The following TPH2 variants were observed in gnomAD, a reference collection of about 807,000 sequenced individuals.
TPH2 encodes the protein tryptophan hydroxylase 2.
Under a neutral mutation model 59.1 loss-of-function variants are expected in TPH2, and 27 were observed. That is an observed-to-expected ratio of 0.46 (90% confidence interval 0.34 to 0.63). TPH2 has a LOEUF of 0.63. Ranked by LOEUF, TPH2 falls within the 30% of genes least tolerant of loss-of-function variation. The pLI, the probability that TPH2 is intolerant of heterozygous loss-of-function variation, is 0.01. For synonymous variants in TPH2, 220 were observed against 210.5 expected (o/e 1.05, Z -0.39); for missense variants, 523 against 588.3 (o/e 0.89, Z 1.15).
intron 8 of TPH2, among the ~76,000 whole-genome samples, chr12:72,020,046 T>C (rs1175558573): frequency 6.6e-6 from 1 of 152,232 alleles, no homozygotes; most frequent in Non-Finnish European, 1.5e-5. Context: ...CTTATTAGGC[T>C]CTTGTTATCT....
intron 5 of TPH2, chr12:71,962,578 A>C: frequency 1.0e-6 from 1 of 985,218 alleles, no homozygotes; most frequent in East Asian, 1.1e-4. Flanking sequence ...TGCTTTTTGC[A>C]TAGTAATTGA....
intron 8 of TPH2, among the ~76,000 whole-genome samples, chr12:72,016,000 T>C (rs10879353): frequency 0.52 from 79,497 of 151,498 alleles, 21,559 homozygotes; most frequent in Middle Eastern, 0.61. Flanking sequence ...TGGCCTTGTA[T>C]CCATAAGTGC....
chr12:71,972,034 C>T (rs1871986124), intron 5 of TPH2, among the ~76,000 whole-genome samples: 1 of 152,152 alleles, frequency 6.6e-6, no homozygotes, highest in Non-Finnish European at 1.5e-5. Context: ...CAGTATCTCC[C>T]AGACATTTTG....
intron 5 of TPH2, among the ~76,000 whole-genome samples, chr12:71,971,208 G>A (rs1401334240): frequency 6.6e-6 from 1 of 152,190 alleles, no homozygotes; most frequent in African/African-American, 2.4e-5. Flanking sequence ...CTATGCATGG[G>A]TTCCTGTAGT....
At chr12:71,955,875 A>G (rs182772061) in intron 5 of TPH2, among the ~76,000 whole-genome samples, 1 of 152,322 alleles carries the variant, frequency 6.6e-6, no homozygotes, top group East Asian at 1.9e-4. Context: ...TATATTAGTT[A>G]TTGATACATA....
chr12:71,978,910 G>C (rs763591593), intron 6 of TPH2, 42 bp from the exon 7 acceptor site: 2 of 1,613,770 alleles, frequency 1.2e-6, no homozygotes, highest in African/African-American at 1.3e-5. Context: ...CTCAAGTCTT[G>C]CTGGGTTAAT....
intron 4 of TPH2, among the ~76,000 whole-genome samples, chr12:71,947,857 G>A (rs752447684): frequency 6.6e-6 from 1 of 152,182 alleles, no homozygotes; most frequent in East Asian, 1.9e-4. Context: ...TTGCAGAAGA[G>A]AGGCAGTTGA....
intron 9 of TPH2, among the ~76,000 whole-genome samples, chr12:72,029,510 G>A (rs1311534561): frequency 2.6e-5 from 4 of 152,188 alleles, no homozygotes. Context: ...TTCATAAAGG[G>A]ACATTTTGTT....
Position 71,972,621 on chromosome 12 carries a change from A to C in TPH2, c.711A>C (p.Arg237=), listed in dbSNP as rs775111520. The C allele has an allele frequency of 3.1e-6, 5 of 1,614,032 alleles. No individual in the cohort carries two copies. The East Asian group carries it at 1.1e-4, about 36-fold the overall frequency. ...AACTCTATCCCACTCATGCTTGCCG[A>C]GAGTATTTGAAAAACTTCCCTCTGC... The part of the protein sequence containing the change: ...LSKLYPTHAC[R]EYLKNFPLLT... Residue 237 remains arginine, a synonymous_variant, in exon 6 of 11, where the codon CGA becomes CGC. Transcript: ENST00000333850.
At chr12:72,021,594 T>G (rs1407447069) in intron 8 of TPH2, among the ~76,000 whole-genome samples, 1 of 152,158 alleles carries the variant, frequency 6.6e-6, no homozygotes, top group Non-Finnish European at 1.5e-5. Flanking sequence ...TGTAGACTAA[T>G]GTAAGTGTTC....
chr12:71,965,085 G>A (rs1871781159), intron 5 of TPH2: 1 of 152,150 alleles, frequency 6.6e-6, no homozygotes, highest in African/African-American at 2.4e-5. Context: ...ATAGCCTCCA[G>A]CTCCATCCAT....
intron 8 of TPH2, among the ~76,000 whole-genome samples, chr12:72,010,793 A>T (rs1015423165): frequency 6.6e-6 from 1 of 152,200 alleles, no homozygotes; most frequent in Admixed American, 6.5e-5. Context: ...TCATACTAGC[A>T]TTCGAGAGCT....
chr12:71,947,488 A>C (rs1378478024), intron 4 of TPH2, among the ~76,000 whole-genome samples: 2 of 150,488 alleles, frequency 1.3e-5, no homozygotes, highest in Non-Finnish European at 3.0e-5. Flanking sequence ...GCCCAGTTAA[A>C]TTTGAGTTTC....
chr12:71,951,307 C>A (rs959034143), intron 5 of TPH2, among the ~76,000 whole-genome samples: 2 of 152,124 alleles, frequency 1.3e-5, no homozygotes. Context: ...GCTCCTTCTG[C>A]GGAATCAGGT....
intron 8 of TPH2, among the ~76,000 whole-genome samples, chr12:72,012,173 TCAACAACAACAA>T (rs58438005): frequency 6.6e-6 from 1 of 151,536 alleles, no homozygotes; most frequent in African/African-American, 2.4e-5. Context: ...GAGCAGGAAT[TCAACAACAACAA>T]CAACAACAAC....
intron 5 of TPH2, among the ~76,000 whole-genome samples, chr12:71,958,652 C>T (rs949099147): frequency 1.2e-4 from 19 of 152,142 alleles, no homozygotes; most frequent in African/African-American, 4.6e-4. Context: ...CTCCCAGGCC[C>T]CATGCTATTC....
intron 7 of TPH2, among the ~76,000 whole-genome samples, chr12:71,979,446 A>G (rs1260091363): frequency 6.6e-6 from 1 of 152,202 alleles, no homozygotes; most frequent in Non-Finnish European, 1.5e-5. Flanking sequence ...CTTTCATGTG[A>G]AGGAGGTTCA....
At chr12:71,950,599 T>C (rs145343241) in intron 5 of TPH2, among the ~76,000 whole-genome samples, 2 of 152,286 alleles carry the variant, frequency 1.3e-5, no homozygotes, top group African/African-American at 2.4e-5. Flanking sequence ...GTATAACTCA[T>C]AGATCATCAC....
chr12:71,949,710 T>A (rs1871292751), intron 5 of TPH2, 55 bp downstream of exon 5: 1 of 1,456,442 alleles, frequency 6.9e-7, no homozygotes, highest in African/African-American at 1.4e-5. Flanking sequence ...AAACACATGC[T>A]GTGTTAAACA....
Sources: allele counts gnomAD v4.1 joint callset (sites outside exome capture counted in the v4.1 genomes callset), GRCh38; gene constraint gnomAD v4.1.1; transcripts MANE v1.5; gene names NCBI Gene and HGNC (gene_info 2026-07-23, HGNC 2026-07-21).